Variants in POMGNT1 observed in about 807,000 individuals in gnomAD.
The protein encoded by POMGNT1 is protein O-linked mannose N-acetylglucosaminyltransferase 1 (beta 1,2-), also known as protein O-linked-mannose beta-1,2-N-acetylglucosaminyltransferase 1.
Under a neutral mutation model 95.6 loss-of-function variants are expected in POMGNT1, and 67 were observed. That is an observed-to-expected ratio of 0.70 (90% CI 0.58 to 0.86). The LOEUF (loss-of-function observed/expected upper bound fraction) is 0.86. Ranked by LOEUF, POMGNT1 falls within the 40% of genes least tolerant of loss-of-function variation. The pLI, the probability that POMGNT1 is intolerant of heterozygous loss-of-function variation, is 0.00. For missense variants in POMGNT1, 719 were observed against 855.2 expected (o/e 0.84, Z 1.99); for synonymous variants, 298 against 317.9 (o/e 0.94, Z 0.66).
chr1:46,189,075 T>C lies in POMGNT1; in HGVS notation c.*195A>G, dbSNP rs1429822916. ...TGCCCTTCTCCAACAAGGAAGTAAATAAATAGACTTTTAACTCAGGAACGG... is the reference window on the plus strand; with the variant it reads ...TGCCCTTCTCCAACAAGGAAGTAAACAAATAGACTTTTAACTCAGGAACGG... On this transcript the variant is annotated 3_prime_UTR_variant, in exon 22 of 22. Coordinates refer to ENST00000371984, the MANE Select transcript of POMGNT1 (RefSeq NM_017739.4). 6.6e-7 allele frequency: 1 copy of C among 1,516,902 alleles called. No individual in the cohort carries two copies. Among genetic ancestry groups the C allele is most frequent in the African/African-American group, 1.4e-5 (1 of 71,888 alleles). 94.0% of individuals were successfully genotyped at this position (1,516,902 alleles called of 1,614,324 possible).
In POMGNT1 at chr1:46,192,454, T is replaced by C. The variant is rs201073664; in HGVS notation, c.1285-18A>G. 8 of 1,614,032 alleles carry C rather than the reference T, an allele frequency of 5.0e-6. No homozygotes were observed. Among genetic ancestry groups the C allele is most frequent in the Non-Finnish European group, 5.9e-6 (7 of 1,180,002 alleles). On this transcript the variant is annotated intron_variant, in intron 15 of 21. Coordinates refer to ENST00000371984, the MANE Select transcript of POMGNT1 (RefSeq NM_017739.4). ...TCATACCCCTGGGGACAGGGTGCCATAGTGGGAGGTATTAGCTGAGGCCTC... is the reference window on the plus strand; with the variant it reads ...TCATACCCCTGGGGACAGGGTGCCACAGTGGGAGGTATTAGCTGAGGCCTC...
upstream of POMGNT1, among the ~76,000 whole-genome samples, chr1:46,202,790 A>G (rs1046441132): frequency 4.2e-4 from 63 of 150,634 alleles, 1 homozygote; most frequent in Admixed American, 2.0e-4. Flanking sequence ...AGATCCGCAG[A>G]TAATTCATAC....
intron 1 of POMGNT1, among the ~76,000 whole-genome samples, chr1:46,219,282 C>T (rs1659157946): frequency 6.8e-6 from 1 of 146,376 alleles, no homozygotes; most frequent in Non-Finnish European, 1.5e-5. Flanking sequence ...ACAACAAGAG[C>T]GAAACTCCAT....
At position 46,217,880 on chromosome 1, in the gene POMGNT1, G is replaced by A. The variant is rs10047126; in HGVS notation, c.-51+1825C>T. On this transcript the variant is annotated intron_variant, in intron 1 of 22. Coordinates refer to the POMGNT1 transcript ENST00000371992. ...CTCAAAAAAGAAAAAAGAAAGTTAA[G>A]TCCCTAATCTTATATAGTGTGGGAA... Among the ~76,000 whole-genome samples the A allele has an allele frequency of 8.3e-3, 1,257 of 152,066 alleles. 19 individuals carry two copies. The highest frequency in any genetic ancestry group is 0.037 in the Middle Eastern group (11 of 294).
chr1:46,193,576 G>A lies in POMGNT1; in HGVS notation c.1014C>T (p.Asp338=), dbSNP rs780555791. ...VSPQMITVFI[D]GYYEEPMDVV... is the part of the protein sequence containing the mutation. ...AAGTCCTGCTCACCTCATAGTAGCC[G>A]TCAATGAAAACTGTTATCATCTGAG... is the stretch of plus-strand genomic sequence containing the variant. The change falls in exon 11 of 22, where the codon GAC becomes GAT. Residue 338 remains aspartate (D), a synonymous_variant. Transcript: ENST00000371984. 1.2e-5 allele frequency: 19 copies of A among 1,614,164 alleles called. No homozygotes were observed. The highest frequency in any genetic ancestry group is 1.6e-4 in the Middle Eastern group (1 of 6,062).
Position 46,196,714 on chromosome 1 carries a change from G to C in POMGNT1, c.354+17C>G. 1.2e-6 allele frequency: 2 copies of C among 1,614,050 alleles called. No individual in the cohort carries two copies. Among genetic ancestry groups the C allele is most frequent in the East Asian group, 2.2e-5 (1 of 44,886 alleles). On this transcript the variant is annotated intron_variant, in intron 4 of 21. Coordinates refer to ENST00000371984, the MANE Select transcript of POMGNT1 (RefSeq NM_017739.4). The surrounding 1 kb of genome is among the most constrained non-coding windows in gnomAD (Gnocchi z 4.4). ...AGCAGAATAGAGTGACTGTACACCAGACCCTGGCCCACTGACCGTGGTGCC... is the reference window on the plus strand; with the variant it reads ...AGCAGAATAGAGTGACTGTACACCACACCCTGGCCCACTGACCGTGGTGCC...
In POMGNT1 at chr1:46,210,765, CT is replaced by C. The variant is rs531165281; in HGVS notation, c.-51+8939del. ...CAGCTACTTGGACGCTCTCTGAATC[CT>C]GTTGTGGGGACCTTTTTTTATTTTT... On this transcript the variant is annotated intron_variant, in intron 1 of 22. Transcript: ENST00000371992. Among the ~76,000 whole-genome samples, 999 of 152,204 alleles carry C rather than the reference CT, an allele frequency of 6.6e-3. 11 individuals carry two copies. Among genetic ancestry groups the C allele is most frequent in the Non-Finnish European group, 9.4e-3 (640 of 68,004 alleles).
chr1:46,196,099 G>C lies in POMGNT1; in HGVS notation c.355-22C>G. On this transcript the variant is annotated intron_variant, in intron 4 of 21. Coordinates refer to ENST00000371984, the MANE Select transcript of POMGNT1 (RefSeq NM_017739.4). The surrounding 1 kb of genome is among the most constrained non-coding windows in gnomAD (Gnocchi z 4.4). ...GCACCTACACAGTGGCAGAGACAAAGTCCAGCTTTTCACTCTGGCATTCAA... is the reference window on the plus strand; with the variant it reads ...GCACCTACACAGTGGCAGAGACAAACTCCAGCTTTTCACTCTGGCATTCAA... 1 of 1,613,802 alleles carries C rather than the reference G, an allele frequency of 6.2e-7. No homozygotes were observed. The highest frequency in any genetic ancestry group is 1.1e-5 in the South Asian group (1 of 91,058).
Position 46,196,698 on chromosome 1 carries a change from G to A in POMGNT1, c.354+33C>T. Reference sequence around the variant, plus strand: ...AGTGGACCATGCCCTGAGCAGAATAGAGTGACTGTACACCAGACCCTGGCC... The same window carrying A: ...AGTGGACCATGCCCTGAGCAGAATAAAGTGACTGTACACCAGACCCTGGCC... On this transcript the variant is annotated intron_variant, in intron 4 of 21. Transcript: ENST00000371984. The surrounding 1 kb of genome is among the most constrained non-coding windows in gnomAD (Gnocchi z 4.4). 2 of 1,613,906 alleles carry A rather than the reference G, an allele frequency of 1.2e-6. No homozygotes were observed. The highest frequency in any genetic ancestry group is 1.7e-6 in the Non-Finnish European group (2 of 1,180,028).
chr1:46,206,498 T>C (rs756948969), intron 1 of POMGNT1, among the ~76,000 whole-genome samples: 3 of 152,120 alleles, frequency 2.0e-5, no homozygotes, highest in Non-Finnish European at 1.5e-5. Context: ...CTGAATCTCC[T>C]TGGAAGGAGA....
intron 8 of POMGNT1, 29 bp from the exon 9 acceptor site, chr1:46,194,430 G>C (rs1414420916): frequency 7.4e-6 from 12 of 1,614,134 alleles, no homozygotes; most frequent in Non-Finnish European, 7.6e-6. Flanking sequence ...TGTCATGGAG[G>C]CATGGGGCCA....
chr1:46,219,908 C>A (rs200634346), exon 1 of POMGNT1: 2 of 1,613,906 alleles, frequency 1.2e-6, no homozygotes, highest in Non-Finnish European at 1.7e-6. Flanking sequence ...CCAGCACCAC[C>A]GACCGGCTGG....
chr1:46,219,913 G>T (rs202037410), exon 1 of POMGNT1: 1 of 1,614,148 alleles, frequency 6.2e-7, no homozygotes, highest in Non-Finnish European at 8.5e-7. Context: ...ACCACCGACC[G>T]GCTGGACAGT....
intron 1 of POMGNT1, among the ~76,000 whole-genome samples, chr1:46,215,103 G>A (rs1440817373): frequency 6.6e-6 from 1 of 151,728 alleles, no homozygotes; most frequent in Non-Finnish European, 1.5e-5. Context: ...GTGGGCACCT[G>A]TAGTCCCAGC....
intron 16 of POMGNT1, 22 bp downstream of exon 16, chr1:46,192,286 C>A (rs149964748): frequency 2.5e-6 from 4 of 1,614,172 alleles, no homozygotes; most frequent in East Asian, 2.2e-5. Flanking sequence ...CTCCAGCCCC[C>A]TCACCCTACC....
At chr1:46,198,457 C>G (rs927885601), upstream of POMGNT1, 1 of 149,714 alleles carries the variant, frequency 6.7e-6, no homozygotes, top group Non-Finnish European at 1.5e-5. Context: ...CCCGCCCCCC[C>G]GCTTCCGCCG....
At chr1:46,211,968 G>A (rs1658910977) in intron 1 of POMGNT1, among the ~76,000 whole-genome samples, 3 of 151,974 alleles carry the variant, frequency 2.0e-5, no homozygotes, top group Admixed American at 2.0e-4. Context: ...CACCATGTTG[G>A]CCAGGCTGGT....
At chr1:46,211,454 C>T (rs927825509) in intron 1 of POMGNT1, among the ~76,000 whole-genome samples, 29 of 151,742 alleles carry the variant, frequency 1.9e-4, no homozygotes, top group African/African-American at 4.1e-4. Flanking sequence ...CACACACACA[C>T]ACACACACAC....
At position 46,206,589 on chromosome 1, in the gene POMGNT1, GAA is replaced by G. The variant is rs1163232193; in HGVS notation, c.-50-8720_-50-8719del. ...CTCTATTTTCTTCAAGAGATGGTGT[GAA>G]AAGAGTGTTTCTTTTTCTGGCAAGA... On this transcript the variant is annotated intron_variant, in intron 1 of 22. Coordinates refer to the POMGNT1 transcript ENST00000371992. Among the ~76,000 whole-genome samples, 4 of 152,302 alleles carry G rather than the reference GAA, an allele frequency of 2.6e-5. No individual in the cohort carries two copies. In the East Asian group the frequency reaches 5.8e-4, roughly 22 times the overall value.
Sources: gnomAD v4.1 joint callset for allele counts (sites outside exome capture counted in the v4.1 genomes callset) on GRCh38, gnomAD v4.1.1 for gene constraint, Gnocchi (gnomAD v3.1) non-coding constraint, MANE v1.5 for transcripts, NCBI Gene and HGNC (gene_info 2026-07-23, HGNC 2026-07-21) for gene names.